The following RAB13 variants were observed in gnomAD, a reference collection of about 807,000 sequenced individuals.
RAB13 encodes the protein RAB13, member RAS oncogene family.
Under a neutral mutation model 29.3 loss-of-function variants are expected in RAB13, and 15 were observed. That is an observed-to-expected ratio of 0.51 (90% CI 0.34 to 0.79). The LOEUF is 0.79. RAB13 is among the 30% of genes least tolerant of loss of function. The probability of loss-of-function intolerance (pLI) is 0.01; values close to 1 mark genes in which losing one functional copy is unlikely to be tolerated. For synonymous variants in RAB13, 82 were observed against 93.8 expected, an observed-to-expected ratio of 0.87 and a Z score of 0.73; for missense variants, 186 against 255.5, an observed-to-expected ratio of 0.73 and a Z score of 1.85.
intron 1 of RAB13, among the ~76,000 whole-genome samples, chr1:153,985,743 G>T (rs1649142269): frequency 1.3e-5 from 2 of 152,144 alleles, no homozygotes; most frequent in African/African-American, 2.4e-5. Context: ...GGGAGAAAAA[G>T]ATGTGGCGGA....
chr1:153,985,465 T>G, intron 1 of RAB13: 1 of 747,368 alleles, frequency 1.3e-6, no homozygotes, highest in Non-Finnish European at 1.6e-6. Context: ...TGGGGGCCCC[T>G]GGGAGGAGGA....
Position 153,982,427 on chromosome 1 carries a change from G to A in RAB13, c.498C>T (p.Ala166=), listed in dbSNP as rs754779874. The change falls in exon 7 of 8, where the codon GCC becomes GCT. Residue 166 remains alanine (A), a synonymous_variant. Transcript: ENST00000368575. ...CTCCTGACTTGAGCAAGATGTCCCG[G>A]GCCAGGGAACTAAAAGCCTAAAGTG... The part of the protein sequence containing the change: ...MNVDEAFSSL[A]RDILLKSGGR... 15 of 1,613,730 alleles carry A rather than the reference G, an allele frequency of 9.3e-6. No individual in the cohort carries two copies. In the East Asian group the frequency reaches 3.3e-4, roughly 36 times the overall value.
upstream of RAB13, among the ~76,000 whole-genome samples, chr1:153,987,028 C>T (rs551390827): frequency 9.2e-5 from 14 of 152,124 alleles, no homozygotes; most frequent in Non-Finnish European, 1.8e-4. Context: ...CTTATGGGGA[C>T]CCATGTGTGA....
chr1:153,985,283 C>T (rs1649125893), intron 1 of RAB13: 1 of 985,794 alleles, frequency 1.0e-6, no homozygotes, highest in South Asian at 4.7e-5. Flanking sequence ...AACAGGATTA[C>T]TTTTGAGACA....
Position 153,983,975 on chromosome 1 carries a change from A to G in RAB13, c.186-394T>C, listed in dbSNP as rs371116253. Among the ~76,000 whole-genome samples, 421 of 152,112 alleles carry G rather than the reference A, an allele frequency of 2.8e-3. 3 individuals are homozygous for G. The highest frequency in any genetic ancestry group is 9.7e-3 in the African/African-American group (404 of 41,490). The stretch of plus-strand genomic sequence containing the variant: ...GTGGATCACCTGAGGTCAGGAGTTC[A>G]AGACCAGCCTGGCCAACATGGTGAA... On this transcript the variant is annotated intron_variant, in intron 2 of 7. Coordinates refer to ENST00000368575, the MANE Select transcript of RAB13 (RefSeq NM_002870.5).
At chr1:153,984,855 G>A in intron 1 of RAB13, 74 bp from the exon 2 acceptor site, 2 of 1,525,378 alleles carry the variant, frequency 1.3e-6, no homozygotes, top group Non-Finnish European at 1.8e-6. Flanking sequence ...GAAGGGACAG[G>A]AACGGAGCAG....
upstream of RAB13, among the ~76,000 whole-genome samples, chr1:153,986,659 C>T (rs1025729562): frequency 2.0e-5 from 3 of 151,498 alleles, no homozygotes; most frequent in African/African-American, 7.3e-5. Flanking sequence ...GGGAAGAGAA[C>T]CAAGAGTTTT....
At chr1:153,988,453 G>A (rs1047629741), upstream of RAB13, among the ~76,000 whole-genome samples, 1 of 141,880 alleles carries the variant, frequency 7.0e-6, no homozygotes, top group Non-Finnish European at 1.6e-5. Context: ...GCCACCACCC[G>A]GCTAATTTTT....
chr1:153,982,316 C>T, intron 7 of RAB13, 75 bp downstream of exon 7: 1 of 1,479,470 alleles, frequency 6.8e-7, no homozygotes, highest in Non-Finnish European at 9.3e-7. Flanking sequence ...CACACACACA[C>T]ACACACACAC....
chr1:153,985,353 CCTGT>C (rs1010544469), intron 1 of RAB13: 9 of 984,072 alleles, frequency 9.1e-6, no homozygotes, highest in East Asian at 1.1e-4. Context: ...TGAGACTCTT[CCTGT>C]CTATTTCCCA....
At chr1:153,984,883 C>G in intron 1 of RAB13, 102 bp from the exon 2 acceptor site, 4 of 1,427,442 alleles carry the variant, frequency 2.8e-6, no homozygotes, top group Non-Finnish European at 1.9e-6. Context: ...ACCAGAAATT[C>G]TGCAGGGGAG....
rs1339651480 is a variant in RAB13 at position 153,982,731 on chromosome 1, C to T, written c.402G>A (p.Glu134=). 1.4e-5 allele frequency: 23 copies of T among 1,614,080 alleles called. No homozygotes were observed. The highest frequency in any genetic ancestry group is 1.8e-5 in the Non-Finnish European group (21 of 1,180,034). ...GCCTGGCCCTCACCTTATCGGCCTGCTCCTTCTGCACCTTCCTCTTGGCCT... is the reference window on the plus strand; with the variant it reads ...GCCTGGCCCTCACCTTATCGGCCTGTTCCTTCTGCACCTTCCTCTTGGCCT... ...DMEAKRKVQK[E]QADKLAREHG... is the part of the protein sequence containing the mutation. The change falls in exon 5 of 8, where the codon GAG becomes GAA. Residue 134 remains glutamate, a synonymous_variant. Transcript: ENST00000368575.
chr1:153,989,645 C>A (rs372839362), upstream of RAB13, among the ~76,000 whole-genome samples: 4 of 151,890 alleles, frequency 2.6e-5, no homozygotes, highest in South Asian at 6.2e-4. Context: ...GTATTCTCAG[C>A]ACTTTGGGAG....
Position 153,984,753 on chromosome 1 carries a change from A to G in RAB13, c.153T>C (p.Asp51=). The G allele has an allele frequency of 6.2e-7, 1 of 1,613,694 alleles. No individual in the cohort carries two copies. Among genetic ancestry groups the G allele is most frequent in the Non-Finnish European group, 8.5e-7 (1 of 1,179,840 alleles). ...IGIDFKIRTV[D]IEGKKIKLQV... is the part of the protein sequence containing the mutation. ...GTAGTTTGATCTTCTTCCCCTCTAT[A>G]TCCACAGTGCGGATCTTGAAATCAA... Residue 51 remains aspartate (D), a synonymous_variant, in exon 2 of 8, where the codon GAT becomes GAC. Coordinates refer to ENST00000368575, the MANE Select transcript of RAB13 (RefSeq NM_002870.5).
chr1:153,985,837 G>A (rs1413600381), intron 1 of RAB13, among the ~76,000 whole-genome samples: 1 of 152,110 alleles, frequency 6.6e-6, no homozygotes, highest in African/African-American at 2.4e-5. Flanking sequence ...GAAAAATAGA[G>A]AAGAGTTCTT....
chr1:153,988,649 TG>T (rs1407437491), upstream of RAB13, among the ~76,000 whole-genome samples: 12 of 148,284 alleles, frequency 8.1e-5, 1 homozygote, highest in Non-Finnish European at 4.5e-5. Flanking sequence ...GTTTCGCTCT[TG>T]TTGCGTAGGC....
chr1:153,982,074 G>A lies in RAB13; in HGVS notation c.*25C>T, dbSNP rs944725884. On this transcript the variant is annotated 3_prime_UTR_variant, in exon 8 of 8. Coordinates refer to ENST00000368575, the MANE Select transcript of RAB13 (RefSeq NM_002870.5). ...GTTGTCTCCCTCAGGTTCAGCTTCCGGGGTGGGGAGGCAAGAAAGGGTCCT... is the reference window on the plus strand; with the variant it reads ...GTTGTCTCCCTCAGGTTCAGCTTCCAGGGTGGGGAGGCAAGAAAGGGTCCT... 24 of 1,603,722 alleles carry A rather than the reference G, an allele frequency of 1.5e-5. No individual in the cohort carries two copies. Among genetic ancestry groups the A allele is most frequent in the South Asian group, 7.7e-5 (7 of 90,806 alleles).
intron 1 of RAB13, chr1:153,985,340 T>C: frequency 3.0e-6 from 3 of 984,526 alleles, no homozygotes; most frequent in Non-Finnish European, 3.6e-6. Flanking sequence ...ACCAGAATTG[T>C]CGTGAGACTC....
At chr1:153,982,939 A>G in intron 4 of RAB13, 131 bp from the exon 5 acceptor site, 1 of 892,474 alleles carries the variant, frequency 1.1e-6, no homozygotes, top group Non-Finnish European at 1.8e-6. Context: ...CAGCCTGACC[A>G]ACATGGAGAA....
Sources: allele counts gnomAD v4.1 joint callset (sites outside exome capture counted in the v4.1 genomes callset), GRCh38; gene constraint gnomAD v4.1.1; transcripts MANE v1.5; gene names NCBI Gene and HGNC (gene_info 2026-07-23, HGNC 2026-07-21).